TANC1: variants seen among roughly 807,000 people sequenced by gnomAD.
TANC1 encodes the protein tetratricopeptide repeat, ankyrin repeat and coiled-coil containing 1.
A neutral mutation model predicts 149.7 loss-of-function variants in TANC1; 77 were observed. The ratio of observed to expected loss-of-function variants is 0.51; its 90% CI spans 0.43 to 0.62. TANC1 has a LOEUF of 0.62. TANC1 is among the 20% of genes least tolerant of loss of function. The pLI is 0.00. For synonymous variants in TANC1, 854 were observed against 925.0 expected (o/e 0.92, Z 1.39); for missense variants, 1,985 against 2,321.8 (o/e 0.85, Z 2.98).
At chr2:159,198,046 T>C (rs551780536) in intron 18 of TANC1, among the ~76,000 whole-genome samples, 1 of 152,306 alleles carries the variant, frequency 6.6e-6, no homozygotes, top group East Asian at 1.9e-4. Context: ...GCCACCTGTA[T>C]TTTTTAGCTC....
intron 4 of TANC1, among the ~76,000 whole-genome samples, chr2:159,115,592 T>C (rs1388720595): frequency 6.6e-6 from 1 of 152,158 alleles, no homozygotes; most frequent in African/African-American, 2.4e-5. Flanking sequence ...ATGGAATCAA[T>C]GAACTGTCCC....
At chr2:158,986,994 A>C (rs1158833425) in intron 1 of TANC1, among the ~76,000 whole-genome samples, 2 of 151,456 alleles carry the variant, frequency 1.3e-5, no homozygotes, top group Admixed American at 6.6e-5. Context: ...GAGGAGTGAT[A>C]GCCTGAGGTT....
rs1397544024 is a variant in TANC1, at chr2:159,136,054, G to GCA, written c.260-139_260-138insAC. 2.8e-4 allele frequency: 127 copies of GCA among 448,816 alleles called. 12 individuals are homozygous for GCA. The Admixed American group carries it at 4.0e-3, about 14-fold the overall frequency. 27.8% of individuals were successfully genotyped at this position (448,816 alleles called of 1,614,324 possible). A position where few individuals can be genotyped will look rare whatever the true frequency, so the allele number is the denominator to read the frequency against. Reference sequence around the variant, plus strand: ...TGTGTGTGTGTGTGTGTGTGTGCGCGCGCGCGCGTTTAAGGGAGGGGAAGG... The same window carrying GCA: ...TGTGTGTGTGTGTGTGTGTGTGCGCGCACGCGCGCGTTTAAGGGAGGGGAAGG... On this transcript the variant is annotated intron_variant, in intron 4 of 26. Transcript: ENST00000263635.
rs1389824656 is a variant in TANC1 at position 159,175,090 on chromosome 2, A to G, written c.1641A>G (p.Gln547=). ...AYRDLLIKEP[Q]LQSMLSLRSC... ...GAGACCTTCTGATAAAGGAGCCCCA[A>G]CTACAGAGCATGCTGAGCCTCCGAT... Residue 547 remains glutamine, a synonymous_variant, in exon 12 of 27, where the codon CAA becomes CAG. Coordinates refer to ENST00000263635, the MANE Select transcript of TANC1 (RefSeq NM_033394.3). 15 of 1,614,020 alleles carry G rather than the reference A, an allele frequency of 9.3e-6. No individual in the cohort carries two copies. In the South Asian group the frequency reaches 1.2e-4, roughly 13 times the overall value.
At chr2:159,104,882 C>T (rs533517897) in intron 4 of TANC1, among the ~76,000 whole-genome samples, 16 of 114,586 alleles carry the variant, frequency 1.4e-4, no homozygotes, top group African/African-American at 3.6e-4. Flanking sequence ...TATTTTATCA[C>T]GAGCAATTTC....
chr2:159,167,742 C>T (rs1290307677), intron 8 of TANC1, among the ~76,000 whole-genome samples: 2 of 152,136 alleles, frequency 1.3e-5, no homozygotes, highest in Non-Finnish European at 2.9e-5. Context: ...TATGCCAACA[C>T]AGTCAGGCCT....
chr2:159,170,415 A>G, intron 9 of TANC1, 109 bp from the exon 10 acceptor site: 1 of 968,396 alleles, frequency 1.0e-6, no homozygotes, highest in South Asian at 1.8e-5. Context: ...GACAGATCCT[A>G]GTGGGGGTAA....
At chr2:159,034,084 G>A (rs1244077505) in intron 2 of TANC1, among the ~76,000 whole-genome samples, 1 of 152,192 alleles carries the variant, frequency 6.6e-6, no homozygotes, top group African/African-American at 2.4e-5. Flanking sequence ...AACACTTAAT[G>A]GAAATATTCT....
intron 2 of TANC1, among the ~76,000 whole-genome samples, chr2:159,004,499 T>A (rs903115737): frequency 6.6e-6 from 1 of 152,116 alleles, no homozygotes; most frequent in African/African-American, 2.4e-5. Flanking sequence ...ATTTTGCACT[T>A]CCTCCCAGGA....
At chr2:159,080,723 C>T (rs2044184273) in intron 3 of TANC1, among the ~76,000 whole-genome samples, 1 of 151,550 alleles carries the variant, frequency 6.6e-6, no homozygotes, top group South Asian at 2.1e-4. Context: ...TCCTCCTCTG[C>T]CCCTGGAGCC....
chr2:159,139,133 C>T (rs1056654184), intron 5 of TANC1, among the ~76,000 whole-genome samples: 1 of 151,760 alleles, frequency 6.6e-6, no homozygotes, highest in African/African-American at 2.4e-5. Context: ...TTCAGGGGGC[C>T]GAGGTGGGAG....
intron 19 of TANC1, among the ~76,000 whole-genome samples, chr2:159,199,611 T>G (rs1010985614): frequency 1.3e-5 from 2 of 152,254 alleles, no homozygotes; most frequent in Non-Finnish European, 2.9e-5. Flanking sequence ...CTGGTGAAGA[T>G]TTGAGCTGGT....
intron 4 of TANC1, among the ~76,000 whole-genome samples, chr2:159,105,989 C>G (rs768502730): frequency 6.6e-6 from 1 of 150,510 alleles, no homozygotes; most frequent in South Asian, 2.1e-4. Context: ...AAAACTGTTT[C>G]TGGTTCGTTT....
chr2:158,984,122 A>G (rs1024159088), intron 1 of TANC1, among the ~76,000 whole-genome samples: 9 of 152,218 alleles, frequency 5.9e-5, no homozygotes, highest in African/African-American at 2.2e-4. Flanking sequence ...TACAGACTTC[A>G]AGTCAAGTGG....
At position 159,227,839 on chromosome 2, in the gene TANC1, A is replaced by T; in HGVS notation, c.3924A>T (p.Ala1308=). Residue 1308 remains alanine, a synonymous_variant, in exon 25 of 27, where the codon GCA becomes GCT. Transcript: ENST00000263635. ...CCTAGAAAGGGAAAATGAAAGAGGC[A>T]GCCCAGAGGTACCAGTATGCCTTAA... The part of the protein sequence containing the change: ...VMYKKGKMKE[A]AQRYQYALRK... 1 of 1,613,830 alleles carries T rather than the reference A, an allele frequency of 6.2e-7. No homozygotes were observed. Among genetic ancestry groups the T allele is most frequent in the Non-Finnish European group, 8.5e-7 (1 of 1,179,954 alleles).
At chr2:159,004,924 G>A (rs1184512738) in intron 2 of TANC1, among the ~76,000 whole-genome samples, 1 of 152,156 alleles carries the variant, frequency 6.6e-6, no homozygotes, top group Non-Finnish European at 1.5e-5. Context: ...TTGACAGCAA[G>A]CCAGTCATAA....
intron 4 of TANC1, among the ~76,000 whole-genome samples, chr2:159,104,207 C>T (rs2046961624): frequency 1.0e-5 from 1 of 96,080 alleles, no homozygotes; most frequent in East Asian, 2.3e-4. Flanking sequence ...GTGAACGTGA[C>T]GCACAGATTT....
chr2:159,106,400 A>G (rs1351995428), intron 4 of TANC1, among the ~76,000 whole-genome samples: 2 of 152,210 alleles, frequency 1.3e-5, no homozygotes, highest in African/African-American at 4.8e-5. Flanking sequence ...CATTCCATTA[A>G]AATGGAATCA....
rs1460742182 is a variant in TANC1 at position 158,978,709 on chromosome 2, G to A, written c.-126+9927G>A. 1.3e-5 allele frequency among the ~76,000 whole-genome samples: 2 copies of A among 152,286 alleles called. 1 individual carries two copies. The highest frequency in any genetic ancestry group is 6.8e-3 in the Middle Eastern group (2 of 294). Reference sequence around the variant, plus strand: ...GAGATGGGAGGTGATGGGCTCTGTAGTGCTTAGCTGAATAGAGTTATCTAT... The same window carrying A: ...GAGATGGGAGGTGATGGGCTCTGTAATGCTTAGCTGAATAGAGTTATCTAT... On this transcript the variant is annotated intron_variant, in intron 1 of 26. Coordinates refer to ENST00000263635, the MANE Select transcript of TANC1 (RefSeq NM_033394.3).
Sources: gnomAD v4.1 joint callset for allele counts (sites outside exome capture counted in the v4.1 genomes callset) on GRCh38, gnomAD v4.1.1 for gene constraint, MANE v1.5 for transcripts, NCBI Gene and HGNC (gene_info 2026-07-23, HGNC 2026-07-21) for gene names.